The following BBS12 variants were observed in gnomAD, a reference collection of about 807,000 sequenced individuals.
BBS12 encodes the protein chaperonin-containing T-complex member BBS12.
BBS12 carries 5 observed loss-of-function variants against 5.6 expected under a neutral mutation model. The observed-to-expected ratio is 0.89, with a 90% CI of 0.46 to 1.86. The LOEUF (loss-of-function observed/expected upper bound fraction) is 1.86. BBS12 is among the 40% of genes most tolerant of loss of function. BBS12 has a pLI of 0.01. For missense variants in BBS12, 748 were observed against 830.4 expected, an observed-to-expected ratio of 0.90 and a Z score of 1.22; for synonymous variants, 308 against 306.8, an observed-to-expected ratio of 1.00 and a Z score of -0.04.
chr4:122,742,575 A>T lies in BBS12; in HGVS notation c.683A>T (p.Gln228Leu). Residue 228 changes from glutamine (Q) to leucine (L), a missense_variant, in exon 2 of 2, where the codon CAG becomes CTG. Transcript: ENST00000314218. ...CTGCTTGCAGATACCTGCTGCAGAC[A>T]GTCAATACTAATCCACAGTAGGCAT... Reference protein sequence around the residue: ...NSLLADTCCRQSILIHSRHFN... With the variant: ...NSLLADTCCRLSILIHSRHFN... The T allele has an allele frequency of 6.2e-7, 1 of 1,614,262 alleles. No homozygotes were observed. Among genetic ancestry groups the T allele is most frequent in the Non-Finnish European group, 8.5e-7 (1 of 1,180,046 alleles).
At chr4:122,712,831 G>A in the BBS12 span, among the ~76,000 whole-genome samples, 2 of 152,118 alleles carry the variant, frequency 1.3e-5, no homozygotes, top group African/African-American at 2.4e-5. Flanking sequence ...TTATCGGAAC[G>A]TTGACTTTGT....
At chr4:122,738,099 A>G (rs547109151) in intron 1 of BBS12, among the ~76,000 whole-genome samples, 68 of 152,394 alleles carry the variant, frequency 4.5e-4, no homozygotes, top group Admixed American at 4.4e-3. Context: ...AAATCTTCAT[A>G]CCTTGGATTT....
At chr4:122,730,383 C>A (rs553461662), upstream of BBS12, 18 of 152,282 alleles carry the variant, frequency 1.2e-4, no homozygotes, top group South Asian at 3.5e-3. Context: ...GATTTAACAT[C>A]ATATTGGTAG....
the BBS12 span, among the ~76,000 whole-genome samples, chr4:122,701,461 T>G: frequency 6.6e-6 from 1 of 152,216 alleles, no homozygotes; most frequent in Non-Finnish European, 1.5e-5. Flanking sequence ...GTTTTATACA[T>G]GCACATGTAC....
At chr4:122,718,560 T>A in the BBS12 span, among the ~76,000 whole-genome samples, 1 of 152,088 alleles carries the variant, frequency 6.6e-6, no homozygotes, top group African/African-American at 2.4e-5. Context: ...TCAACAGGAC[T>A]TTTTCCCTGA....
the BBS12 span, among the ~76,000 whole-genome samples, chr4:122,713,875 T>G: frequency 6.6e-6 from 1 of 152,128 alleles, no homozygotes; most frequent in African/African-American, 2.4e-5. Context: ...CAGGTAAAAA[T>G]ATCTCATGTA....
chr4:122,713,415 C>A, the BBS12 span, among the ~76,000 whole-genome samples: 6 of 151,978 alleles, frequency 3.9e-5, no homozygotes, highest in African/African-American at 1.5e-4. Flanking sequence ...TTACTTGAGC[C>A]CAGGAGTTCA....
At chr4:122,716,667 A>ACACGCG in the BBS12 span, among the ~76,000 whole-genome samples, 1 of 77,418 alleles carries the variant, frequency 1.3e-5, no homozygotes, top group African/African-American at 4.9e-5. Context: ...GCACATACAC[A>ACACGCG]TATGTGTATA....
intron 1 of BBS12, among the ~76,000 whole-genome samples, chr4:122,737,788 A>C (rs1286497708): frequency 6.6e-6 from 1 of 152,236 alleles, no homozygotes; most frequent in African/African-American, 2.4e-5. Flanking sequence ...ACAAAGCTAT[A>C]GTACTTAAAA....
the BBS12 span, among the ~76,000 whole-genome samples, chr4:122,704,108 C>T: frequency 6.6e-6 from 1 of 152,164 alleles, no homozygotes; most frequent in African/African-American, 2.4e-5. Flanking sequence ...CCTCAGCATA[C>T]CAAAGTGCTG....
chr4:122,731,907 A>G (rs545501442), upstream of BBS12: 1 of 152,344 alleles, frequency 6.6e-6, no homozygotes, highest in South Asian at 2.1e-4. Flanking sequence ...TTAACAAGAT[A>G]TCGTTTTGCT....
chr4:122,732,690 C>T (rs1391175674), upstream of BBS12: 3 of 152,526 alleles, frequency 2.0e-5, no homozygotes, highest in Non-Finnish European at 1.5e-5. Flanking sequence ...CGGAACTTCT[C>T]TCTCCAGCTG....
chr4:122,730,142 T>C (rs1434914885), upstream of BBS12: 2 of 152,222 alleles, frequency 1.3e-5, no homozygotes, highest in African/African-American at 2.4e-5. Flanking sequence ...TAATACTTTA[T>C]GTATTTGAGT....
At chr4:122,731,654 T>C (rs1386915666), upstream of BBS12, 1 of 152,256 alleles carries the variant, frequency 6.6e-6, no homozygotes, top group Non-Finnish European at 1.5e-5. Context: ...CTTCTTTCTT[T>C]GGTTCAAATC....
chr4:122,743,231 G>C lies in BBS12; in HGVS notation c.1339G>C (p.Glu447Gln). Residue 447 changes from glutamate to glutamine, a missense_variant, in exon 2 of 2, where the codon GAG (glutamate) becomes CAG (glutamine). Transcript: ENST00000314218. ...TGGCAGTGTGATGCAGGCTTTTGCA[G>C]AGGCTGCAGGAGCAGTACAGGTGGC... Reference protein sequence around the residue: ...VNGSVMQAFAEAAGAVQVAYI... With the variant: ...VNGSVMQAFAQAAGAVQVAYI... 1 of 1,614,236 alleles carries C rather than the reference G, an allele frequency of 6.2e-7. No individual in the cohort carries two copies.
At chr4:122,704,098 C>T in the BBS12 span, among the ~76,000 whole-genome samples, 4 of 152,192 alleles carry the variant, frequency 2.6e-5, no homozygotes, top group Non-Finnish European at 5.9e-5. Flanking sequence ...GATGCTCCTG[C>T]CTCAGCATAC....
rs1800954461 is a variant in BBS12, at chr4:122,744,334, A to G, written c.*309A>G. On this transcript the variant is annotated 3_prime_UTR_variant, in exon 2 of 2. Transcript: ENST00000314218. The stretch of plus-strand genomic sequence containing the variant: ...GTTTTATTCAGTTCCTCATTTTTCT[A>G]GTTCCCACAGGAGGAACACAAAGGG... 1 of 312,164 alleles carries G rather than the reference A, an allele frequency of 3.2e-6. No individual in the cohort carries two copies. The highest frequency in any genetic ancestry group is 6.3e-6 in the Non-Finnish European group (1 of 157,880). 19.3% of individuals were successfully genotyped at this position (312,164 alleles called of 1,614,324 possible).
chr4:122,724,982 T>A, the BBS12 span, among the ~76,000 whole-genome samples: 23 of 152,292 alleles, frequency 1.5e-4, no homozygotes, highest in African/African-American at 4.6e-4. Flanking sequence ...GATTTTTTTT[T>A]AAATATCCTT....
chr4:122,742,650 A>G lies in BBS12; in HGVS notation c.758A>G (p.Gln253Arg), dbSNP rs1340484634. Residue 253 changes from glutamine (Q) to arginine (R), a missense_variant, in exon 2 of 2, where the codon CAA becomes CGA. By Grantham distance (43) the Gln-to-Arg change is conservative. Coordinates refer to ENST00000314218, the MANE Select transcript of BBS12 (RefSeq NM_152618.3). ...GGGGTAAGCAAACCAGATGGATTTC[A>G]AGAACATGTTACAGCTACTCACAAA... ...TEGVSKPDGF[Q>R]EHVTATHKTY... 6.2e-7 allele frequency: 1 copy of G among 1,614,142 alleles called. No homozygotes were observed. The highest frequency in any genetic ancestry group is 1.3e-5 in the African/African-American group (1 of 74,946).
Sources: allele counts gnomAD v4.1 joint callset (sites outside exome capture counted in the v4.1 genomes callset), GRCh38; gene constraint gnomAD v4.1.1; transcripts MANE v1.5; gene names NCBI Gene and HGNC (gene_info 2026-07-23, HGNC 2026-07-21).